The following GSG1L variants were observed in gnomAD, a reference collection of about 807,000 sequenced individuals.
GSG1L encodes the protein GSG1 like.
GSG1L carries 24 observed loss-of-function variants against 42.1 expected under a neutral mutation model. The observed-to-expected ratio is 0.57, with a 90% CI of 0.41 to 0.80. GSG1L has a LOEUF of 0.80. Ranked by LOEUF, GSG1L falls within the 30% of genes least tolerant of loss-of-function variation. The pLI is 0.00. For missense variants in GSG1L, 445 were observed against 472.2 expected (o/e 0.94, Z 0.53); for synonymous variants, 215 against 203.5 (o/e 1.06, Z -0.48).
intron 2 of GSG1L, among the ~76,000 whole-genome samples, chr16:27,905,357 C>A: frequency 6.9e-6 from 1 of 145,268 alleles, no homozygotes; most frequent in East Asian, 2.1e-4. Context: ...CAGGGTCTCA[C>A]TTTGTTGCCC....
intron 3 of GSG1L, among the ~76,000 whole-genome samples, chr16:27,853,848 G>A (rs1183178521): frequency 6.6e-6 from 1 of 152,158 alleles, no homozygotes; most frequent in Non-Finnish European, 1.5e-5. Flanking sequence ...CATGGCCGCA[G>A]GACCTAGTGG....
chr16:28,044,561 T>C (rs2086142000), intron 1 of GSG1L, among the ~76,000 whole-genome samples: 2 of 151,744 alleles, frequency 1.3e-5, no homozygotes, highest in South Asian at 2.1e-4. Context: ...CGATGGCATG[T>C]ATTATCAGCA....
intron 1 of GSG1L, among the ~76,000 whole-genome samples, chr16:28,023,944 C>T (rs1299410709): frequency 6.6e-6 from 1 of 152,048 alleles, no homozygotes; most frequent in Non-Finnish European, 1.5e-5. Flanking sequence ...GTAGGAGGAT[C>T]GCTTGAGCCA....
At chr16:27,811,298 G>A (rs1390106717) in intron 5 of GSG1L, among the ~76,000 whole-genome samples, 1 of 152,128 alleles carries the variant, frequency 6.6e-6, no homozygotes, top group African/African-American at 2.4e-5. Context: ...ATATAAAAGA[G>A]TAATTAATAT....
intron 2 of GSG1L, among the ~76,000 whole-genome samples, chr16:27,958,639 C>A (rs1016530547): frequency 2.0e-5 from 3 of 151,964 alleles, no homozygotes; most frequent in African/African-American, 7.3e-5. Context: ...TTATAAGAGA[C>A]TTTCATCTGT....
intron 2 of GSG1L, among the ~76,000 whole-genome samples, chr16:27,942,145 TTC>T (rs2084805422): frequency 1.4e-5 from 2 of 140,082 alleles, no homozygotes; most frequent in Admixed American, 7.4e-5. Flanking sequence ...TTAAAACTTC[TTC>T]TTTTTTTTTT....
At chr16:27,995,705 T>C (rs570823742) in intron 1 of GSG1L, among the ~76,000 whole-genome samples, 18 of 152,160 alleles carry the variant, frequency 1.2e-4, no homozygotes, top group South Asian at 4.2e-4. Context: ...TCACTTGTCA[T>C]GAGGGACACG....
At chr16:27,973,439 C>CAAAAAA (rs71140935) in intron 1 of GSG1L, among the ~76,000 whole-genome samples, 606 of 29,848 alleles carry the variant, frequency 0.02, 81 homozygotes, top group South Asian at 0.051. Flanking sequence ...GACCCCATCA[C>CAAAAAA]AAAAAAAAAA....
At chr16:27,820,883 G>T (rs1596534015) in intron 5 of GSG1L, among the ~76,000 whole-genome samples, 2 of 152,280 alleles carry the variant, frequency 1.3e-5, no homozygotes. Flanking sequence ...TCCCATCGAG[G>T]CGCTCACTCT....
intron 1 of GSG1L, among the ~76,000 whole-genome samples, chr16:28,043,698 G>A (rs555439400): frequency 6.6e-5 from 10 of 152,176 alleles, no homozygotes; most frequent in South Asian, 4.1e-4. Context: ...ACTCAGTGCC[G>A]GAGGAATGAA....
intron 6 of GSG1L, among the ~76,000 whole-genome samples, chr16:27,798,017 G>A (rs1372608149): frequency 6.6e-6 from 1 of 152,048 alleles, no homozygotes; most frequent in Non-Finnish European, 1.5e-5. Context: ...CCAGAAACTG[G>A]GTGCTCCACA....
intron 2 of GSG1L, among the ~76,000 whole-genome samples, chr16:27,945,496 C>T (rs1000578598): frequency 8.5e-5 from 13 of 152,142 alleles, no homozygotes; most frequent in African/African-American, 1.4e-4. Flanking sequence ...CTTTGGCAAA[C>T]GCGAGCGGAA....
At chr16:27,834,629 C>A (rs532863316) in intron 4 of GSG1L, among the ~76,000 whole-genome samples, 1 of 152,074 alleles carries the variant, frequency 6.6e-6, no homozygotes, top group Non-Finnish European at 1.5e-5. Context: ...TTACTTATTT[C>A]GCATTTGGTA....
chr16:27,950,969 C>CATCTGCCCGGGGG (rs1467471615), intron 2 of GSG1L, among the ~76,000 whole-genome samples: 2 of 152,186 alleles, frequency 1.3e-5, no homozygotes, highest in African/African-American at 4.8e-5. Flanking sequence ...TGGATCCCCT[C>CATCTGCCCGGGGG]ATCTGCCTTC....
chr16:27,829,020 AC>A, intron 4 of GSG1L, 64 bp from the exon 5 acceptor site: 1 of 1,481,048 alleles, frequency 6.8e-7, no homozygotes. Flanking sequence ...AAAATCCCAC[AC>A]CCACCAAACA....
At chr16:28,041,676 T>C (rs2086107421) in intron 1 of GSG1L, among the ~76,000 whole-genome samples, 1 of 152,170 alleles carries the variant, frequency 6.6e-6, no homozygotes, top group Non-Finnish European at 1.5e-5. Flanking sequence ...TCCCCAGGCC[T>C]GGCATTTACT....
chr16:28,013,138 C>T (rs1189088496), intron 1 of GSG1L, among the ~76,000 whole-genome samples: 9 of 151,310 alleles, frequency 5.9e-5, no homozygotes, highest in South Asian at 4.2e-4. Context: ...GCAAGAGAAT[C>T]GCTTGAACCC....
rs531999896 is a variant in GSG1L, at chr16:28,022,662, T to TTTTTG, written c.349+40409_349+40413dup. Among the ~76,000 whole-genome samples, 227 of 151,888 alleles carry TTTTTG rather than the reference T, an allele frequency of 1.5e-3. 1 individual carries two copies. Among genetic ancestry groups the TTTTTG allele is most frequent in the African/African-American group, 5.0e-3 (209 of 41,398 alleles). ...AATTTTTGTATTTTTCTTTTTTTGT[T>TTTTTG]TTTTGTTTTGTTTTGTTTTGTTTGA... On this transcript the variant is annotated intron_variant, in intron 1 of 6. Transcript: ENST00000447459.
At chr16:27,941,409 G>A (rs1198445043) in intron 2 of GSG1L, among the ~76,000 whole-genome samples, 1 of 150,778 alleles carries the variant, frequency 6.6e-6, no homozygotes, top group African/African-American at 2.4e-5. Context: ...AGTGGTTCAT[G>A]CCTGTAATCC....
Sources: allele counts gnomAD v4.1 joint callset (sites outside exome capture counted in the v4.1 genomes callset), GRCh38; gene constraint gnomAD v4.1.1; transcripts MANE v1.5; gene names NCBI Gene and HGNC (gene_info 2026-07-23, HGNC 2026-07-21).